ABI3BP: variants seen among roughly 807,000 people sequenced by gnomAD.
ABI3BP encodes the protein target of Nesh-SH3.
In ABI3BP, 216 loss-of-function variants were observed where a neutral mutation model predicts 268.6. That is an observed-to-expected ratio of 0.80 (90% confidence interval 0.72 to 0.90). The LOEUF is 0.90. Among genes scored for constraint, ABI3BP ranks in the 40% least tolerant of loss-of-function variants. The pLI, the probability that ABI3BP is intolerant of heterozygous loss-of-function variation, is 0.00. For missense variants in ABI3BP, 2,090 were observed against 2,182.4 expected (o/e 0.96, Z 0.84); for synonymous variants, 730 against 730.0 (o/e 1.00, Z 0.00).
chr3:100,754,358 G>T (rs1281594683), intron 64 of ABI3BP, among the ~76,000 whole-genome samples: 1 of 152,138 alleles, frequency 6.6e-6, no homozygotes, highest in East Asian at 1.9e-4. Context: ...ATGCAGGAGA[G>T]GATTCATTGA....
chr3:100,782,410 G>A (rs144835468), intron 57 of ABI3BP, among the ~76,000 whole-genome samples: 3 of 152,094 alleles, frequency 2.0e-5, no homozygotes, highest in Non-Finnish European at 2.9e-5. Context: ...GGAGACAGAG[G>A]CATCATATTC....
chr3:100,909,878 G>C (rs1364882808), intron 2 of ABI3BP, among the ~76,000 whole-genome samples: 4 of 152,164 alleles, frequency 2.6e-5, no homozygotes, highest in Non-Finnish European at 5.9e-5. Context: ...CAAGGATCTA[G>C]AACTAGAAAT....
chr3:100,765,796 C>G (rs2149708660), intron 63 of ABI3BP, 45 bp downstream of exon 63: 2 of 1,388,040 alleles, frequency 1.4e-6, no homozygotes, highest in South Asian at 2.4e-5. Context: ...GTGGTTATAA[C>G]TTTTGCACTC....
chr3:100,963,471 C>A (rs1250215639), intron 1 of ABI3BP, among the ~76,000 whole-genome samples: 1 of 152,162 alleles, frequency 6.6e-6, no homozygotes, highest in East Asian at 1.9e-4. Context: ...CATTAGTAGT[C>A]CAAGCCACCA....
rs1348874931 is a variant in ABI3BP at position 100,796,474 on chromosome 3, A to G, written c.3758-6T>C. ...AAGGAGCACATCTTTTGGAGCTGAAAGAAAAAGATTATAAAACACTGCATA... is the reference window on the plus strand; with the variant it reads ...AAGGAGCACATCTTTTGGAGCTGAAGGAAAAAGATTATAAAACACTGCATA... On this transcript the variant is annotated splice_region_variant and splice_polypyrimidine_tract_variant and intron_variant, in intron 51 of 67. Transcript: ENST00000471714. 2.5e-6 allele frequency: 4 copies of G among 1,600,592 alleles called. No individual in the cohort carries two copies. In the South Asian group the frequency reaches 3.4e-5, roughly 14 times the overall value.
At chr3:100,888,867 T>A (rs1002059197) in intron 4 of ABI3BP, among the ~76,000 whole-genome samples, 2 of 151,860 alleles carry the variant, frequency 1.3e-5, no homozygotes, top group Admixed American at 6.6e-5. Flanking sequence ...ATACTTAAAG[T>A]GGTGAAGTAA....
intron 59 of ABI3BP, 114 bp downstream of exon 59, chr3:100,778,170 C>G: frequency 9.7e-7 from 1 of 1,031,662 alleles, no homozygotes. Flanking sequence ...AGGGCCAACA[C>G]AAACGTGTCA....
intron 1 of ABI3BP, among the ~76,000 whole-genome samples, chr3:100,934,381 A>T (rs6763333): frequency 0.3 from 45,874 of 151,920 alleles, 7,599 homozygotes; most frequent in East Asian, 0.5. Flanking sequence ...CCAGTCTATC[A>T]CTGATGGGCA....
chr3:100,922,519 G>C (rs928751519), intron 2 of ABI3BP, among the ~76,000 whole-genome samples: 13 of 112,326 alleles, frequency 1.2e-4, no homozygotes, highest in Admixed American at 1.1e-3. Flanking sequence ...AGGGTGATGT[G>C]ATGCGATGGT....
At chr3:100,886,027 T>C (rs1334859246) in intron 5 of ABI3BP, 115 bp downstream of exon 5, 2 of 733,806 alleles carry the variant, frequency 2.7e-6, no homozygotes, top group Non-Finnish European at 2.0e-6. Flanking sequence ...TCATAAATAC[T>C]AGACCTTAGG....
intron 2 of ABI3BP, among the ~76,000 whole-genome samples, chr3:100,915,102 T>C (rs1295562643): frequency 6.6e-6 from 1 of 152,142 alleles, no homozygotes; most frequent in African/African-American, 2.4e-5. Context: ...TATTTGCTAT[T>C]TAATATTGCA....
chr3:100,928,074 A>G (rs946759451), intron 1 of ABI3BP, among the ~76,000 whole-genome samples: 2 of 151,872 alleles, frequency 1.3e-5, no homozygotes, highest in African/African-American at 4.8e-5. Flanking sequence ...CATTGAAGAA[A>G]TGTGTTCAGT....
At chr3:100,862,997 C>A in intron 12 of ABI3BP, 88 bp from the exon 13 acceptor site, 1 of 981,910 alleles carries the variant, frequency 1.0e-6, no homozygotes. Flanking sequence ...AAAACAAAAG[C>A]AAACACAAAA....
chr3:100,968,161 A>G (rs1460736532), intron 1 of ABI3BP, among the ~76,000 whole-genome samples: 1 of 152,212 alleles, frequency 6.6e-6, no homozygotes, highest in Non-Finnish European at 1.5e-5. Context: ...CTTTTATTCT[A>G]TTACTATAAT....
chr3:100,837,623 G>A (rs2098620703), intron 26 of ABI3BP, among the ~76,000 whole-genome samples: 2 of 152,126 alleles, frequency 1.3e-5, no homozygotes, highest in African/African-American at 4.8e-5. Context: ...CTGGTGTGGT[G>A]GTGGGTGCCT....
Position 100,926,448 on chromosome 3 carries a change from G to T in ABI3BP, c.113C>A (p.Thr38Asn). 6.2e-7 allele frequency: 1 copy of T among 1,613,328 alleles called. No homozygotes were observed. The highest frequency in any genetic ancestry group is 8.5e-7 in the Non-Finnish European group (1 of 1,179,504). ...CTTCAAGAGGATGGAGTCACTTGTGGTATTGATGTGGACTTTGAGGTTTGG... is the reference window on the plus strand; with the variant it reads ...CTTCAAGAGGATGGAGTCACTTGTGTTATTGATGTGGACTTTGAGGTTTGG... ...KRPNLKVHIN[T>N]TSDSILLKFL... The change falls in exon 2 of 68, where the codon ACC becomes AAC. Residue 38 changes from threonine (T) to asparagine (N), a missense_variant. Coordinates refer to ENST00000471714, the MANE Select transcript of ABI3BP (RefSeq NM_001375547.2).
chr3:100,949,106 T>C (rs2073815564), intron 1 of ABI3BP, among the ~76,000 whole-genome samples: 1 of 152,212 alleles, frequency 6.6e-6, no homozygotes, highest in Admixed American at 6.5e-5. Flanking sequence ...TCAATATAAA[T>C]ATAGCTTTAT....
chr3:100,938,139 C>T (rs971919312), intron 1 of ABI3BP, among the ~76,000 whole-genome samples: 1 of 151,724 alleles, frequency 6.6e-6, no homozygotes, highest in Non-Finnish European at 1.5e-5. Context: ...ACACTGATGC[C>T]TACTTGAAGA....
chr3:100,909,482 T>A (rs2055219681), intron 2 of ABI3BP, among the ~76,000 whole-genome samples: 1 of 152,062 alleles, frequency 6.6e-6, no homozygotes, highest in African/African-American at 2.4e-5. Context: ...AACAGGCACC[T>A]ACAGAATGGG....
Sources: gnomAD v4.1 joint callset for allele counts (sites outside exome capture counted in the v4.1 genomes callset) on GRCh38, gnomAD v4.1.1 for gene constraint, MANE v1.5 for transcripts, NCBI Gene and HGNC (gene_info 2026-07-23, HGNC 2026-07-21) for gene names.